Variants in WWOX observed in about 807,000 individuals in gnomAD.
WWOX encodes WW domain-containing oxidoreductase.
Under a neutral mutation model 46.2 loss-of-function variants are expected in WWOX, and 69 were observed. The ratio of observed to expected loss-of-function variants is 1.49; its 90% CI spans 1.23 to 1.82. The LOEUF (loss-of-function observed/expected upper bound fraction) is 1.82. WWOX is among the 40% of genes most tolerant of loss of function. The probability of loss-of-function intolerance (pLI) is 0.00; values close to 1 mark genes in which losing one functional copy is unlikely to be tolerated. For synonymous variants in WWOX, 359 were observed against 202.6 expected (o/e 1.77, Z -6.56); for missense variants, 919 against 542.6 (o/e 1.69, Z -6.89).
rs571370173 is a variant in WWOX at position 78,312,136 on chromosome 16, T to C, written c.517-74724T>C. ...ACTTTTAAGGACCCTTGTGATTTCA[T>C]TGGTCTCAGCTGGATAGCTATCAAG... On this transcript the variant is annotated intron_variant, in intron 5 of 8. Coordinates refer to ENST00000566780, the MANE Select transcript of WWOX (RefSeq NM_016373.4). Among the ~76,000 whole-genome samples the C allele has an allele frequency of 2.4e-3, 358 of 152,300 alleles. 1 individual carries two copies. Among genetic ancestry groups the C allele is most frequent in the Non-Finnish European group, 4.1e-3 (280 of 68,032 alleles).
chr16:79,078,580 A>C (rs2048703265), intron 8 of WWOX, among the ~76,000 whole-genome samples: 1 of 152,222 alleles, frequency 6.6e-6, no homozygotes, highest in African/African-American at 2.4e-5. Flanking sequence ...ATCCCTCGCC[A>C]TAGGAGAATC....
At chr16:79,091,434 C>T (rs1257185061) in intron 8 of WWOX, among the ~76,000 whole-genome samples, 2 of 152,106 alleles carry the variant, frequency 1.3e-5, no homozygotes, top group East Asian at 1.9e-4. Flanking sequence ...TACCAGCTTC[C>T]CCACTGGGTG....
At chr16:78,965,687 C>A (rs866493222) in intron 8 of WWOX, among the ~76,000 whole-genome samples, 1 of 152,112 alleles carries the variant, frequency 6.6e-6, no homozygotes, top group South Asian at 2.1e-4. Context: ...GTTCTGTCGT[C>A]GTCATTTTTT....
intron 8 of WWOX, among the ~76,000 whole-genome samples, chr16:79,093,059 C>T (rs1031448775): frequency 1.3e-5 from 2 of 152,198 alleles, no homozygotes; most frequent in African/African-American, 4.8e-5. Context: ...AGCAGTTCAA[C>T]AGCTGTAAAG....
At chr16:79,165,797 C>T (rs1337266668) in intron 8 of WWOX, among the ~76,000 whole-genome samples, 5 of 152,174 alleles carry the variant, frequency 3.3e-5, no homozygotes, top group East Asian at 1.9e-4. Flanking sequence ...TTGGCTTCTC[C>T]GAGTCAGCCT....
rs549261798 is a variant in WWOX, at chr16:78,739,725, C to T, written c.1056+306973C>T. ...ACTGCAGAGGCTGAGGCAGGAGAAT[C>T]GCTTGAACCCAGGAGGCGGAGGTTG... On this transcript the variant is annotated intron_variant, in intron 8 of 8. Coordinates refer to ENST00000566780, the MANE Select transcript of WWOX (RefSeq NM_016373.4). Among the ~76,000 whole-genome samples the T allele has an allele frequency of 5.5e-3, 839 of 152,206 alleles. 5 individuals are homozygous for T. The highest frequency in any genetic ancestry group is 8.7e-3 in the Non-Finnish European group (589 of 68,016).
chr16:78,869,873 T>A (rs1253012323), intron 8 of WWOX, among the ~76,000 whole-genome samples: 2 of 152,168 alleles, frequency 1.3e-5, no homozygotes, highest in Non-Finnish European at 2.9e-5. Context: ...CATGGGCTCT[T>A]TTTTCCCAAA....
chr16:78,468,766 G>A (rs534214275), intron 8 of WWOX, among the ~76,000 whole-genome samples: 33 of 152,308 alleles, frequency 2.2e-4, no homozygotes, highest in African/African-American at 7.9e-4. Flanking sequence ...GATCAAATGA[G>A]TTGGAGTGGG....
Position 78,878,380 on chromosome 16 carries a change from TATC to T in WWOX, c.1057-333225_1057-333223del, listed in dbSNP as rs2044275502. On this transcript the variant is annotated intron_variant, in intron 8 of 8. Transcript: ENST00000566780. ...TGCCCCTGTCATTGAGTAAAGTAATTATCATAACTTTGGAACAAATTGACCTCT... is the reference window on the plus strand; with the variant it reads ...TGCCCCTGTCATTGAGTAAAGTAATTATAACTTTGGAACAAATTGACCTCT... 1.3e-5 allele frequency among the ~76,000 whole-genome samples: 2 copies of T among 152,178 alleles called. 1 individual carries two copies. Among genetic ancestry groups the T allele is most frequent in the Non-Finnish European group, 2.9e-5 (2 of 68,034 alleles).
At chr16:79,143,636 C>T (rs114846379) in intron 8 of WWOX, among the ~76,000 whole-genome samples, 283 of 152,094 alleles carry the variant, frequency 1.9e-3, no homozygotes, top group African/African-American at 6.4e-3. Context: ...ATAGAGTATT[C>T]GCCAATATGT....
At chr16:78,668,786 G>C (rs2047392633) in intron 8 of WWOX, among the ~76,000 whole-genome samples, 1 of 152,100 alleles carries the variant, frequency 6.6e-6, no homozygotes, top group Non-Finnish European at 1.5e-5. Context: ...TGAACAGAGG[G>C]AATAGCAGGT....
chr16:79,043,804 T>C (rs1346672017), intron 8 of WWOX, among the ~76,000 whole-genome samples: 1 of 152,194 alleles, frequency 6.6e-6, no homozygotes, highest in Non-Finnish European at 1.5e-5. Context: ...ATCTCTTCTC[T>C]GCTAGCTTTA....
At chr16:79,085,773 T>C (rs1340838696) in intron 8 of WWOX, among the ~76,000 whole-genome samples, 2 of 152,126 alleles carry the variant, frequency 1.3e-5, no homozygotes, top group African/African-American at 4.8e-5. Flanking sequence ...TAGCCAGGCA[T>C]AGTGGCTCAC....
chr16:78,664,621 C>T (rs1442461756), intron 8 of WWOX, among the ~76,000 whole-genome samples: 1 of 152,170 alleles, frequency 6.6e-6, no homozygotes, highest in Non-Finnish European at 1.5e-5. Flanking sequence ...ATGATTTTCC[C>T]TTTTCCAGAT....
At chr16:78,889,933 T>G (rs766814726) in intron 8 of WWOX, among the ~76,000 whole-genome samples, 1 of 152,200 alleles carries the variant, frequency 6.6e-6, no homozygotes, top group Non-Finnish European at 1.5e-5. Context: ...TTGTTGGTAT[T>G]AAATTAGATG....
intron 8 of WWOX, among the ~76,000 whole-genome samples, chr16:78,675,339 T>TA (rs534037042): frequency 1.4e-4 from 22 of 152,290 alleles, no homozygotes; most frequent in African/African-American, 5.3e-4. Flanking sequence ...TGTAAAGATT[T>TA]AAAAAACTGT....
intron 8 of WWOX, among the ~76,000 whole-genome samples, chr16:78,458,343 C>A (rs2083874615): frequency 6.8e-6 from 1 of 147,904 alleles, no homozygotes; most frequent in Non-Finnish European, 1.5e-5. Context: ...TCACTGCAGT[C>A]TTGACCTCCC....
At chr16:79,025,179 G>A (rs933187088) in intron 8 of WWOX, among the ~76,000 whole-genome samples, 4 of 152,090 alleles carry the variant, frequency 2.6e-5, no homozygotes, top group South Asian at 4.2e-4. Context: ...CCCCTGTGTC[G>A]GACTTGTTTC....
intron 8 of WWOX, among the ~76,000 whole-genome samples, chr16:79,008,512 A>G (rs745512072): frequency 2.0e-5 from 3 of 152,194 alleles, no homozygotes; most frequent in Non-Finnish European, 4.4e-5. Flanking sequence ...GGGATTCTAT[A>G]GGAAATGGAA....
Sources: gnomAD v4.1 joint callset for allele counts (sites outside exome capture counted in the v4.1 genomes callset) on GRCh38, gnomAD v4.1.1 for gene constraint, MANE v1.5 for transcripts, NCBI Gene and HGNC (gene_info 2026-07-23, HGNC 2026-07-21) for gene names.